The following MYO18B variants were observed in gnomAD, a reference collection of about 807,000 sequenced individuals.
MYO18B encodes the protein myosin XVIIIB.
In MYO18B, 204 loss-of-function variants were observed where a neutral mutation model predicts 273.0. The observed-to-expected ratio is 0.75, with a 90% CI of 0.67 to 0.84. MYO18B has a LOEUF of 0.84. MYO18B is among the 40% of genes least tolerant of loss of function. The pLI is 0.00. For missense variants in MYO18B, 3,212 were observed against 3,287.6 expected, an observed-to-expected ratio of 0.98 and a Z score of 0.56; for synonymous variants, 1,330 against 1,305.7, an observed-to-expected ratio of 1.02 and a Z score of -0.40.
chr22:25,885,942 C>T (rs967448228), intron 25 of MYO18B, among the ~76,000 whole-genome samples: 3 of 152,226 alleles, frequency 2.0e-5, no homozygotes, highest in African/African-American at 7.2e-5. Flanking sequence ...CACTGACATC[C>T]AGAGCCTATA....
chr22:25,839,945 G>T (rs1337889501), intron 17 of MYO18B, among the ~76,000 whole-genome samples: 1 of 152,158 alleles, frequency 6.6e-6, no homozygotes, highest in Non-Finnish European at 1.5e-5. Context: ...GGTGCTGTTT[G>T]CACGGAGCAT....
chr22:25,891,398 A>G lies in MYO18B; in HGVS notation c.4529A>G (p.Asn1510Ser), dbSNP rs1280594204. The change falls in exon 27 of 44, where the codon AAT (asparagine) becomes AGT (serine). Residue 1510 changes from asparagine (N) to serine (S), a missense_variant. Coordinates refer to ENST00000335473, the MANE Select transcript of MYO18B (RefSeq NM_032608.7). Reference sequence around the variant, plus strand: ...ATTCAGTTGAATGACTTGGAAAGGAATCCCACTGGAGGAGGTGAGCAGCCT... The same window carrying G: ...ATTCAGTTGAATGACTTGGAAAGGAGTCCCACTGGAGGAGGTGAGCAGCCT... ...QKIQLNDLER[N>S]PTGGADEWQM... is the part of the protein sequence containing the mutation. The G allele has an allele frequency of 1.3e-6, 2 of 1,579,084 alleles. No individual in the cohort carries two copies. Among genetic ancestry groups the G allele is most frequent in the Non-Finnish European group, 1.7e-6 (2 of 1,161,492 alleles).
intron 39 of MYO18B, among the ~76,000 whole-genome samples, chr22:25,987,835 A>G (rs1418789581): frequency 1.3e-5 from 2 of 152,220 alleles, no homozygotes; most frequent in African/African-American, 4.8e-5. Context: ...TACAGTGTGT[A>G]CACCATTATA....
At chr22:26,030,267 C>T (rs1434286826) in intron 43 of MYO18B, among the ~76,000 whole-genome samples, 176 bp from the exon 44 acceptor site, 2 of 152,124 alleles carry the variant, frequency 1.3e-5, no homozygotes, top group Non-Finnish European at 2.9e-5. Context: ...ATCCTAGCTA[C>T]TTGGGAGGCT....
intron 34 of MYO18B, among the ~76,000 whole-genome samples, chr22:25,924,836 G>A (rs539706917): frequency 1.1e-4 from 17 of 152,300 alleles, no homozygotes; most frequent in Admixed American, 2.0e-4. Flanking sequence ...CCTGGGTTGG[G>A]GGAGTATTGA....
intron 13 of MYO18B, among the ~76,000 whole-genome samples, chr22:25,825,230 G>C (rs2089449503): frequency 6.6e-6 from 1 of 152,164 alleles, no homozygotes; most frequent in South Asian, 2.1e-4. Flanking sequence ...GCAGGCAGGG[G>C]ACCTTCGGGC....
intron 34 of MYO18B, among the ~76,000 whole-genome samples, chr22:25,933,881 C>T (rs2092543484): frequency 6.6e-6 from 1 of 152,096 alleles, no homozygotes; most frequent in Non-Finnish European, 1.5e-5. Context: ...TCATAGTACA[C>T]ATGGTTTTTG....
chr22:25,955,335 G>A lies in MYO18B; in HGVS notation c.6127G>A (p.Ala2043Thr), dbSNP rs762749518. The change falls in exon 39 of 44, where the codon GCA (alanine) becomes ACA (threonine). Residue 2043 changes from alanine (A) to threonine (T), a missense_variant. By Grantham distance (58) the Ala-to-Thr change is moderately conservative (BLOSUM62 0). Coordinates refer to ENST00000335473, the MANE Select transcript of MYO18B (RefSeq NM_032608.7). The stretch of plus-strand genomic sequence containing the variant: ...CATGGAAGAGCTGGTGCAGCGGGAG[G>A]CAGAGGCCAGCCGGCGGTGCATGGA... ...ADMEELVQRE[A>T]EASRRCMELE... is the part of the protein sequence containing the mutation. 18 of 1,613,504 alleles carry A rather than the reference G, an allele frequency of 1.1e-5. No individual in the cohort carries two copies. The African/African-American group carries it at 1.6e-4, about 14-fold the overall frequency.
At chr22:25,872,455 T>G (rs1289272873) in intron 22 of MYO18B, among the ~76,000 whole-genome samples, 1 of 152,216 alleles carries the variant, frequency 6.6e-6, no homozygotes, top group Non-Finnish European at 1.5e-5. Flanking sequence ...TCTGCAAACT[T>G]GAGTCAATTT....
At chr22:25,838,595 G>A (rs189575937) in intron 17 of MYO18B, among the ~76,000 whole-genome samples, 3 of 152,256 alleles carry the variant, frequency 2.0e-5, no homozygotes, top group African/African-American at 7.2e-5. Context: ...TTAGATACAC[G>A]AGTACTTACC....
Position 25,828,837 on chromosome 22 carries a change from C to T in MYO18B, c.2848C>T (p.Gln950Ter). 1 of 1,613,970 alleles carries T rather than the reference C, an allele frequency of 6.2e-7. No homozygotes were observed. The highest frequency in any genetic ancestry group is 8.5e-7 in the Non-Finnish European group (1 of 1,179,890). The change falls in exon 15 of 44, where the codon CAG (glutamine) becomes TAG (stop). Residue 950 changes from glutamine (Q) to a stop codon, truncating the protein, a stop_gained. Coordinates refer to ENST00000335473, the MANE Select transcript of MYO18B (RefSeq NM_032608.7). LOFTEE classifies it high-confidence loss of function. ...SIMVVDSPGF[Q>*]NPRHQGKDRA... The stretch of plus-strand genomic sequence containing the variant: ...CATGGTGGTGGACTCTCCAGGCTTC[C>T]AGAACCCCCGGCACCAGGGCAAGGA...
In MYO18B at chr22:25,902,684, A is replaced by C. The variant is rs750208757; in HGVS notation, c.4895A>C (p.Gln1632Pro). 6.3e-7 allele frequency: 1 copy of C among 1,597,092 alleles called. No homozygotes were observed. Among genetic ancestry groups the C allele is most frequent in the Non-Finnish European group, 8.5e-7 (1 of 1,171,562 alleles). ...AAGGGTCTCCGTGAGAAAGTGACCCAGGAGAACACCAGTGTCCGGTGGGAG... is the reference window on the plus strand; with the variant it reads ...AAGGGTCTCCGTGAGAAAGTGACCCCGGAGAACACCAGTGTCCGGTGGGAG... ...FEKGLREKVT[Q>P]ENTSVRWELG... The change falls in exon 30 of 44, where the codon CAG (glutamine) becomes CCG (proline). Residue 1632 changes from glutamine (Q) to proline (P), a missense_variant. Physicochemically the swap from Gln to Pro is moderately conservative, Grantham distance 76. Transcript: ENST00000335473.
chr22:25,873,263 A>G (rs1370840507), intron 22 of MYO18B, among the ~76,000 whole-genome samples: 2 of 152,124 alleles, frequency 1.3e-5, no homozygotes, highest in Non-Finnish European at 2.9e-5. Context: ...TGCAGAGGCC[A>G]TCATCCATTA....
chr22:25,872,322 A>C (rs1323285911), intron 22 of MYO18B, among the ~76,000 whole-genome samples: 3 of 152,226 alleles, frequency 2.0e-5, no homozygotes, highest in Non-Finnish European at 2.9e-5. Flanking sequence ...TGAACCTCGC[A>C]CTTCAAGTGC....
At chr22:25,906,380 T>C (rs887348760) in intron 31 of MYO18B, among the ~76,000 whole-genome samples, 1 of 152,204 alleles carries the variant, frequency 6.6e-6, no homozygotes, top group South Asian at 2.1e-4. Flanking sequence ...AGGCAAGAAG[T>C]TGACATTTAA....
intron 30 of MYO18B, 128 bp downstream of exon 30, chr22:25,902,864 C>A: frequency 9.5e-7 from 1 of 1,052,574 alleles, no homozygotes; most frequent in Non-Finnish European, 1.3e-6. Context: ...TGTCAAGCAG[C>A]TGAATCCCAG....
chr22:25,980,026 T>C (rs1483762963), intron 39 of MYO18B, among the ~76,000 whole-genome samples: 3 of 152,032 alleles, frequency 2.0e-5, no homozygotes, highest in African/African-American at 7.2e-5. Context: ...CTAAAGTGGA[T>C]GAAATGGAGA....
downstream of MYO18B, among the ~76,000 whole-genome samples, chr22:26,034,990 G>A (rs1340828199): frequency 6.6e-6 from 1 of 152,186 alleles, no homozygotes; most frequent in Non-Finnish European, 1.5e-5. Flanking sequence ...TTACTGTGGG[G>A]GACGGGTAAT....
chr22:26,021,634 T>C (rs1935821288), intron 42 of MYO18B, among the ~76,000 whole-genome samples: 2 of 152,340 alleles, frequency 1.3e-5, no homozygotes, highest in South Asian at 2.1e-4. Context: ...GCAAGGCCAA[T>C]CTAGTTTCCC....
Sources: gnomAD v4.1 joint callset for allele counts (sites outside exome capture counted in the v4.1 genomes callset) on GRCh38, gnomAD v4.1.1 for gene constraint, MANE v1.5 for transcripts, NCBI Gene and HGNC (gene_info 2026-07-23, HGNC 2026-07-21) for gene names.